Variants in KATNA1 observed in about 807,000 individuals in gnomAD.
KATNA1 encodes the protein katanin catalytic subunit A1, also known as katanin p60 ATPase-containing subunit A1.
Under a neutral mutation model 62.6 loss-of-function variants are expected in KATNA1, and 42 were observed. That is an observed-to-expected ratio of 0.67 (90% CI 0.52 to 0.87). The LOEUF (loss-of-function observed/expected upper bound fraction) is 0.87, where lower values mean the gene tolerates loss of function less well. Among genes scored for constraint, KATNA1 ranks in the 40% least tolerant of loss-of-function variants. The pLI is 0.00. For synonymous variants in KATNA1, 186 were observed against 201.9 expected, an observed-to-expected ratio of 0.92 and a Z score of 0.67; for missense variants, 498 against 612.5, an observed-to-expected ratio of 0.81 and a Z score of 1.97.
chr6:149,609,402 C>T (rs946608065), intron 4 of KATNA1, among the ~76,000 whole-genome samples: 6 of 151,720 alleles, frequency 4.0e-5, no homozygotes, highest in African/African-American at 1.5e-4. Flanking sequence ...AAGAAAAAAA[C>T]TCAGGCCAGG....
intron 7 of KATNA1, among the ~76,000 whole-genome samples, chr6:149,598,687 C>T (rs1302440418): frequency 6.6e-6 from 1 of 152,060 alleles, no homozygotes; most frequent in Admixed American, 6.6e-5. Flanking sequence ...CACCACACCA[C>T]TGTATTCCAG....
At chr6:149,629,875 A>C (rs983092624) in intron 3 of KATNA1, among the ~76,000 whole-genome samples, 1 of 152,226 alleles carries the variant, frequency 6.6e-6, no homozygotes, top group African/African-American at 2.4e-5. Flanking sequence ...CAAATTACTT[A>C]ACCTATCTTA....
chr6:149,648,044 C>T (rs995109131), intron 1 of KATNA1, among the ~76,000 whole-genome samples: 1 of 152,136 alleles, frequency 6.6e-6, no homozygotes, highest in African/African-American at 2.4e-5. Context: ...AATAACATCC[C>T]CAACAATATC....
intron 2 of KATNA1, among the ~76,000 whole-genome samples, chr6:149,637,758 C>T (rs1329528333): frequency 3.3e-5 from 5 of 151,768 alleles, no homozygotes; most frequent in African/African-American, 9.7e-5. Context: ...TGCAGTGAGC[C>T]GAGATCGTGC....
intron 4 of KATNA1, 26 bp from the exon 5 acceptor site, chr6:149,604,808 C>T (rs768547933): frequency 5.0e-6 from 8 of 1,600,592 alleles, no homozygotes; most frequent in Non-Finnish European, 6.0e-6. Flanking sequence ...AAAACAAGCG[C>T]TTTTGATTCA....
chr6:149,636,291 GC>G (rs1780062351), intron 2 of KATNA1, among the ~76,000 whole-genome samples: 1 of 151,982 alleles, frequency 6.6e-6, no homozygotes, highest in Non-Finnish European at 1.5e-5. Flanking sequence ...TATTTACTAG[GC>G]CGAGCATGGT....
intron 2 of KATNA1, among the ~76,000 whole-genome samples, chr6:149,635,870 C>T (rs185852862): frequency 1.1e-3 from 165 of 151,292 alleles, no homozygotes; most frequent in African/African-American, 3.8e-3. Flanking sequence ...CAGCTGGCTA[C>T]ATGGTGAAAC....
chr6:149,615,405 A>G (rs990230976), intron 4 of KATNA1, among the ~76,000 whole-genome samples: 2 of 151,830 alleles, frequency 1.3e-5, no homozygotes, highest in Non-Finnish European at 2.9e-5. Flanking sequence ...GGCTTTCACC[A>G]TCTTGTCCAT....
chr6:149,597,114 A>C lies in KATNA1; in HGVS notation c.1226T>G (p.Ile409Arg). The change falls in exon 10 of 11, where the codon ATA (isoleucine) becomes AGA (arginine). Residue 409 changes from isoleucine (I) to arginine (R), a missense_variant. Ile to Arg is a moderately conservative substitution (Grantham distance 97). Around this residue, in one of 3 missense-constraint regions of KATNA1, gnomAD observed 267 missense variants for 372.6 expected, o/e 0.72. Transcript: ENST00000367411. The part of the protein sequence containing the change: ...ELADDVDLAS[I>R]AENMEGYSGA... ...TGAATAACCTTCCATGTTTTCTGCT[A>C]TACTTGCAAGGTCAACATCATCAGC... 2 of 1,614,138 alleles carry C rather than the reference A, an allele frequency of 1.2e-6. No homozygotes were observed. The highest frequency in any genetic ancestry group is 1.7e-6 in the Non-Finnish European group (2 of 1,179,946).
Position 149,594,982 on chromosome 6 carries a change from G to T in KATNA1, c.*54C>A. 7.3e-7 allele frequency: 1 copy of T among 1,362,608 alleles called. No individual in the cohort carries two copies. Among genetic ancestry groups the T allele is most frequent in the Non-Finnish European group, 1.0e-6 (1 of 958,882 alleles). The allele number at this position is 1,362,608 out of a possible 1,614,324, so 84.4% of individuals were successfully genotyped here. On this transcript the variant is annotated 3_prime_UTR_variant, in exon 11 of 11. Transcript: ENST00000367411. Reference sequence around the variant, plus strand: ...ATAGCACTCAGTACAATGAATTACTGCATTTAATATTCAAACACTTAAGGC... The same window carrying T: ...ATAGCACTCAGTACAATGAATTACTTCATTTAATATTCAAACACTTAAGGC...
At chr6:149,641,717 G>C (rs528268069) in intron 1 of KATNA1, among the ~76,000 whole-genome samples, 37 of 152,190 alleles carry the variant, frequency 2.4e-4, no homozygotes, top group African/African-American at 8.7e-4. Context: ...GAAATGCATG[G>C]ATGACTTAAG....
intron 3 of KATNA1, among the ~76,000 whole-genome samples, chr6:149,624,831 T>G (rs1779543300): frequency 6.6e-6 from 1 of 150,728 alleles, no homozygotes; most frequent in African/African-American, 2.4e-5. Flanking sequence ...ACAGTATAGT[T>G]AAACAGACAG....
At chr6:149,601,123 A>G (rs1778528439) in intron 7 of KATNA1, among the ~76,000 whole-genome samples, 1 of 151,866 alleles carries the variant, frequency 6.6e-6, no homozygotes, top group East Asian at 1.9e-4. Flanking sequence ...CATTTCTTCT[A>G]TTGGTACTCT....
intron 3 of KATNA1, among the ~76,000 whole-genome samples, chr6:149,625,763 G>A (rs1033677726): frequency 6.6e-5 from 10 of 151,884 alleles, no homozygotes; most frequent in Admixed American, 1.3e-4. Flanking sequence ...GCGAAACCCC[G>A]TCTCTACTAA....
chr6:149,604,752 C>T lies in KATNA1; in HGVS notation c.532G>A (p.Glu178Lys). 1 of 1,613,574 alleles carries T rather than the reference C, an allele frequency of 6.2e-7. No individual in the cohort carries two copies. Among genetic ancestry groups the T allele is most frequent in the South Asian group, 1.1e-5 (1 of 91,070 alleles). Residue 178 changes from glutamate to lysine, a missense_variant, in exon 5 of 11, where the codon GAG becomes AAG. By Grantham distance (56) the Glu-to-Lys change is moderately conservative (BLOSUM62 1). Transcript: ENST00000367411. ...NKSPAAVTEPETNKFDSTGYD... is the reference protein window; with the variant it reads ...NKSPAAVTEPKTNKFDSTGYD... Reference sequence around the variant, plus strand: ...CCGGTACTATCAAATTTATTTGTCTCTGGTTCTGTTACTGCAGCAGGTGAT... The same window carrying T: ...CCGGTACTATCAAATTTATTTGTCTTTGGTTCTGTTACTGCAGCAGGTGAT...
chr6:149,619,280 G>A (rs1008425729), intron 4 of KATNA1, among the ~76,000 whole-genome samples: 1 of 152,062 alleles, frequency 6.6e-6, no homozygotes, highest in African/African-American at 2.4e-5. Context: ...AAACCACCAT[G>A]AGATACCATC....
intron 6 of KATNA1, among the ~76,000 whole-genome samples, chr6:149,602,831 C>T (rs548265593): frequency 1.3e-5 from 2 of 151,996 alleles, no homozygotes; most frequent in East Asian, 3.9e-4. Context: ...AGGCAATTCT[C>T]CTGCCTCAGC....
In KATNA1 at chr6:149,638,764, T is replaced by C. The variant is rs374754752; in HGVS notation, c.-13-204A>G. 1.9e-3 allele frequency among the ~76,000 whole-genome samples: 232 copies of C among 123,302 alleles called. 1 individual carries two copies. The highest frequency in any genetic ancestry group is 6.7e-3 in the African/African-American group (221 of 33,174). The allele number at this position is 123,302 out of a possible 152,430, so 80.9% of individuals were successfully genotyped here. A position where few individuals can be genotyped will look rare whatever the true frequency, so the allele number is the denominator to read the frequency against. On this transcript the variant is annotated intron_variant, in intron 1 of 10. Coordinates refer to ENST00000367411, the MANE Select transcript of KATNA1 (RefSeq NM_007044.4). The stretch of plus-strand genomic sequence containing the variant: ...TTTTTTTTTTTTTTTTGAGACGGAG[T>C]CTCGCTCTGTGGCCCCGGCTGGAGC...
chr6:149,633,832 C>T (rs12201033), intron 2 of KATNA1, among the ~76,000 whole-genome samples: 55,299 of 151,152 alleles, frequency 0.37, 11,290 homozygotes, highest in East Asian at 0.81. Flanking sequence ...GGCACATGCA[C>T]GTAATCCCAG....
Sources: gnomAD v4.1 joint callset for allele counts (sites outside exome capture counted in the v4.1 genomes callset) on GRCh38, gnomAD v4.1.1 for gene constraint, gnomAD v4.1.1 regional missense constraint, MANE v1.5 for transcripts, NCBI Gene and HGNC (gene_info 2026-07-23, HGNC 2026-07-21) for gene names.